The following NLGN1 variants were observed in gnomAD, a reference collection of about 807,000 sequenced individuals.
NLGN1 encodes the protein neuroligin 1, also known as neuroligin-1.
NLGN1 carries 12 observed loss-of-function variants against 65.5 expected under a neutral mutation model. The ratio of observed to expected loss-of-function variants is 0.18; its 90% CI spans 0.12 to 0.30. The LOEUF is 0.30. Among genes scored for constraint, NLGN1 ranks in the 10% least tolerant of loss-of-function variants. NLGN1 has a pLI of 1.00. For missense variants in NLGN1, 750 were observed against 1,007.1 expected (o/e 0.74, Z 3.46); for synonymous variants, 350 against 359.5 (o/e 0.97, Z 0.30).
At chr3:173,575,583 C>A (rs984880774) in intron 2 of NLGN1, among the ~76,000 whole-genome samples, 2 of 152,170 alleles carry the variant, frequency 1.3e-5, no homozygotes, top group African/African-American at 2.4e-5. Context: ...TTCTCTTGGT[C>A]ATTTGTTCAT....
intron 2 of NLGN1, among the ~76,000 whole-genome samples, chr3:173,549,658 A>C (rs1449602305): frequency 1.3e-5 from 2 of 152,104 alleles, no homozygotes; most frequent in Non-Finnish European, 2.9e-5. Flanking sequence ...TAAATCATGC[A>C]ATACTTGTTG....
chr3:173,591,823 T>C (rs942786136), intron 2 of NLGN1, among the ~76,000 whole-genome samples: 1 of 152,204 alleles, frequency 6.6e-6, no homozygotes, highest in African/African-American at 2.4e-5. Context: ...TAGGTTGTGC[T>C]AGCTTCTCTA....
intron 4 of NLGN1, among the ~76,000 whole-genome samples, chr3:174,142,271 G>A (rs1482567669): frequency 6.6e-6 from 1 of 152,028 alleles, no homozygotes; most frequent in Non-Finnish European, 1.5e-5. Context: ...TCAATACTAG[G>A]CATAATAATT....
chr3:173,420,304 C>A (rs1714786011), intron 1 of NLGN1, among the ~76,000 whole-genome samples: 1 of 150,574 alleles, frequency 6.6e-6, no homozygotes, highest in Admixed American at 6.6e-5. Context: ...TCAATTCCCG[C>A]CTATGAGTGA....
At chr3:173,403,542 A>T (rs1417728963) in intron 1 of NLGN1, among the ~76,000 whole-genome samples, 1 of 152,098 alleles carries the variant, frequency 6.6e-6, no homozygotes, top group Admixed American at 6.5e-5. Context: ...GGCTCAAGGG[A>T]GGGATCTAAT....
intron 1 of NLGN1, among the ~76,000 whole-genome samples, chr3:173,427,013 C>T (rs1007986252): frequency 2.6e-5 from 4 of 151,904 alleles, no homozygotes; most frequent in Non-Finnish European, 5.9e-5. Context: ...ACTTAATGGG[C>T]TGTCCAGTTT....
rs114993056 is a variant in NLGN1, at chr3:174,035,760, G to A, written c.646+227928G>A. 2.9e-3 allele frequency among the ~76,000 whole-genome samples: 447 copies of A among 152,210 alleles called. 1 individual carries two copies. Among genetic ancestry groups the A allele is most frequent in the African/African-American group, 9.8e-3 (405 of 41,526 alleles). On this transcript the variant is annotated intron_variant, in intron 4 of 6. Transcript: ENST00000457714. ...TCCAGGTTCTTGTAGCCAGTGATCCGCAATTCCATTTCATAATAAGAAAGA... is the reference window on the plus strand; with the variant it reads ...TCCAGGTTCTTGTAGCCAGTGATCCACAATTCCATTTCATAATAAGAAAGA...
At chr3:174,208,988 G>T (rs1267961149) in intron 4 of NLGN1, among the ~76,000 whole-genome samples, 1 of 151,912 alleles carries the variant, frequency 6.6e-6, no homozygotes, top group African/African-American at 2.4e-5. Context: ...TAGTGGCATG[G>T]TCTAGGCTCA....
chr3:174,258,003 T>G (rs1394101003), intron 4 of NLGN1, among the ~76,000 whole-genome samples: 1 of 151,642 alleles, frequency 6.6e-6, no homozygotes, highest in East Asian at 1.9e-4. Flanking sequence ...TTTAATTAAT[T>G]TGATAATTAC....
At chr3:173,734,225 C>A (rs1030532958) in intron 3 of NLGN1, among the ~76,000 whole-genome samples, 2 of 151,730 alleles carry the variant, frequency 1.3e-5, no homozygotes, top group African/African-American at 2.4e-5. Flanking sequence ...GAATTATGAT[C>A]ATGTTAAGGC....
chr3:174,210,186 G>A (rs573580751), intron 4 of NLGN1, among the ~76,000 whole-genome samples: 35 of 152,070 alleles, frequency 2.3e-4, no homozygotes, highest in Admixed American at 6.5e-4. Flanking sequence ...TCACTCACAA[G>A]CATCAGTTTT....
intron 4 of NLGN1, among the ~76,000 whole-genome samples, chr3:173,834,432 T>C (rs1229675594): frequency 1.3e-5 from 2 of 152,184 alleles, no homozygotes. Context: ...TTCCATTAAA[T>C]ATTTAGGAAG....
chr3:173,591,539 G>T (rs1376201913), intron 2 of NLGN1, among the ~76,000 whole-genome samples: 2 of 152,080 alleles, frequency 1.3e-5, no homozygotes, highest in Non-Finnish European at 2.9e-5. Flanking sequence ...GCAAAAGCCT[G>T]GGACTGAATG....
At chr3:173,837,007 T>G (rs938586548) in intron 4 of NLGN1, among the ~76,000 whole-genome samples, 2 of 152,144 alleles carry the variant, frequency 1.3e-5, no homozygotes, top group Non-Finnish European at 2.9e-5. Context: ...CTATAATATG[T>G]GTTATGAAAA....
intron 4 of NLGN1, among the ~76,000 whole-genome samples, chr3:174,018,240 T>C (rs1043797034): frequency 1.3e-5 from 2 of 152,166 alleles, no homozygotes; most frequent in African/African-American, 4.8e-5. Flanking sequence ...CTGTTCTTTT[T>C]TCAAGGTGCC....
chr3:173,665,472 A>G (rs1189817380), intron 3 of NLGN1, among the ~76,000 whole-genome samples: 1 of 152,164 alleles, frequency 6.6e-6, no homozygotes, highest in African/African-American at 2.4e-5. Context: ...GCACTAGTAC[A>G]GTGGCAGAAT....
intron 4 of NLGN1, among the ~76,000 whole-genome samples, chr3:173,877,360 T>C (rs1732335072): frequency 6.6e-6 from 1 of 152,142 alleles, no homozygotes; most frequent in Admixed American, 6.5e-5. Flanking sequence ...GCCATTATTA[T>C]TCAAAACCTT....
chr3:173,900,696 A>G (rs918233425), intron 4 of NLGN1, among the ~76,000 whole-genome samples: 3 of 152,050 alleles, frequency 2.0e-5, no homozygotes, highest in African/African-American at 7.2e-5. Context: ...TCAGAGTTTC[A>G]GGGGAAGACG....
At chr3:174,194,612 G>A (rs757711714) in intron 4 of NLGN1, among the ~76,000 whole-genome samples, 2 of 151,520 alleles carry the variant, frequency 1.3e-5, no homozygotes, top group Non-Finnish European at 2.9e-5. Flanking sequence ...AGAAAGTATT[G>A]TTTTGATAAA....
Sources: allele counts gnomAD v4.1 joint callset (sites outside exome capture counted in the v4.1 genomes callset), GRCh38; gene constraint gnomAD v4.1.1; transcripts MANE v1.5; gene names NCBI Gene and HGNC (gene_info 2026-07-23, HGNC 2026-07-21).